The following PACRG variants were observed in gnomAD, a reference collection of about 807,000 sequenced individuals.
PACRG encodes the protein parkin coregulated gene protein.
PACRG carries 29 observed loss-of-function variants against 29.7 expected under a neutral mutation model. The ratio of observed to expected loss-of-function variants is 0.98; its 90% CI spans 0.73 to 1.33. PACRG has a LOEUF of 1.33. Among genes scored for constraint, PACRG ranks in the 40% most tolerant of loss-of-function variants. The pLI is 0.00. For synonymous variants in PACRG, 116 were observed against 118.7 expected (o/e 0.98, Z 0.15); for missense variants, 279 against 316.2 (o/e 0.88, Z 0.89).
chr6:162,770,997 T>A (rs1164948725), intron 1 of PACRG, among the ~76,000 whole-genome samples: 2 of 152,198 alleles, frequency 1.3e-5, no homozygotes, highest in Non-Finnish European at 2.9e-5. Flanking sequence ...TAAAGGAGTT[T>A]ATAATCAGGG....
intron 1 of PACRG, among the ~76,000 whole-genome samples, chr6:162,796,159 C>G (rs1438177942): frequency 6.6e-6 from 1 of 152,046 alleles, no homozygotes; most frequent in Non-Finnish European, 1.5e-5. Flanking sequence ...CTTCTTCTTG[C>G]CTTTAGTAGA....
At chr6:163,270,073 A>T (rs995009688) in intron 4 of PACRG, among the ~76,000 whole-genome samples, 1 of 152,062 alleles carries the variant, frequency 6.6e-6, no homozygotes, top group Non-Finnish European at 1.5e-5. Context: ...CCTCCACCAG[A>T]TATTAAGATA....
chr6:163,081,599 T>TA (rs917193756), intron 3 of PACRG, among the ~76,000 whole-genome samples: 1 of 151,972 alleles, frequency 6.6e-6, no homozygotes, highest in Non-Finnish European at 1.5e-5. Flanking sequence ...TCTACAAATA[T>TA]AAAAAAATTA....
chr6:162,784,262 A>G lies in PACRG; in HGVS notation c.157-29885A>G, dbSNP rs1324374028. On this transcript the variant is annotated intron_variant, in intron 1 of 4. Coordinates refer to ENST00000366888, the MANE Select transcript of PACRG (RefSeq NM_001080379.2). ...TAGTTTTCTATCTTCCCCTGTAGTT[A>G]ATTAAGCATGGCCATTTAACTAAGT... Among the ~76,000 whole-genome samples the G allele has an allele frequency of 2.0e-5, 3 of 152,264 alleles. No individual in the cohort carries two copies. In the East Asian group the frequency reaches 5.8e-4, roughly 29 times the overall value.
chr6:163,197,710 A>G (rs1437922759), intron 4 of PACRG, among the ~76,000 whole-genome samples: 3 of 151,804 alleles, frequency 2.0e-5, no homozygotes, highest in South Asian at 2.1e-4. Context: ...CGGCCTCCCA[A>G]AGTTTTGGGC....
At chr6:162,954,622 A>G (rs1799887406) in intron 2 of PACRG, among the ~76,000 whole-genome samples, 1 of 152,140 alleles carries the variant, frequency 6.6e-6, no homozygotes, top group Admixed American at 6.5e-5. Flanking sequence ...TTTTTTCTCC[A>G]CCTTATTAGC....
At chr6:163,085,916 C>G (rs1008407431) in intron 3 of PACRG, among the ~76,000 whole-genome samples, 1 of 152,204 alleles carries the variant, frequency 6.6e-6, no homozygotes, top group African/African-American at 2.4e-5. Flanking sequence ...ATTCCTAAAA[C>G]AGTGATGGGC....
chr6:163,019,537 C>T (rs73783968), intron 2 of PACRG, among the ~76,000 whole-genome samples: 20,410 of 152,108 alleles, frequency 0.13, 1,477 homozygotes, highest in East Asian at 0.22. Flanking sequence ...CGTCACCACC[C>T]GTGAACTGGA....
intron 4 of PACRG, among the ~76,000 whole-genome samples, chr6:163,247,946 G>C (rs906777550): frequency 6.6e-6 from 1 of 152,142 alleles, no homozygotes; most frequent in Non-Finnish European, 1.5e-5. Flanking sequence ...CTGTAACATT[G>C]GCACGGTAGA....
chr6:163,249,691 G>C (rs1422677448), intron 4 of PACRG, among the ~76,000 whole-genome samples: 6 of 152,212 alleles, frequency 3.9e-5, no homozygotes, highest in Non-Finnish European at 8.8e-5. Flanking sequence ...AGCAACCAGC[G>C]AAGTTTCTGT....
At chr6:163,117,093 C>T (rs1585235106) in intron 4 of PACRG, among the ~76,000 whole-genome samples, 1 of 152,088 alleles carries the variant, frequency 6.6e-6, no homozygotes, top group East Asian at 1.9e-4. Flanking sequence ...AATCAGAAAG[C>T]CAGGAGAGGA....
chr6:162,788,985 C>G (rs1206072247), intron 1 of PACRG, among the ~76,000 whole-genome samples: 1 of 151,924 alleles, frequency 6.6e-6, no homozygotes, highest in African/African-American at 2.4e-5. Flanking sequence ...GAAAAGCTTC[C>G]CTGATTGGAA....
At chr6:162,807,974 A>G (rs1187485798) in intron 1 of PACRG, among the ~76,000 whole-genome samples, 2 of 152,226 alleles carry the variant, frequency 1.3e-5, no homozygotes, top group Non-Finnish European at 2.9e-5. Flanking sequence ...ATAACTTATT[A>G]TAATCATTTT....
At chr6:163,171,869 A>G (rs1253269863) in intron 4 of PACRG, among the ~76,000 whole-genome samples, 1 of 152,170 alleles carries the variant, frequency 6.6e-6, no homozygotes, top group Non-Finnish European at 1.5e-5. Flanking sequence ...AGAGTGTGGA[A>G]AAGTCAGCTT....
At chr6:162,824,505 T>C (rs62428961) in intron 2 of PACRG, among the ~76,000 whole-genome samples, 11,656 of 152,330 alleles carry the variant, frequency 0.077, 697 homozygotes, top group Admixed American at 0.21. Context: ...TATACAGATT[T>C]GCCGTTGCAT....
At chr6:163,249,673 G>A (rs928477332) in intron 4 of PACRG, among the ~76,000 whole-genome samples, 7 of 152,160 alleles carry the variant, frequency 4.6e-5, no homozygotes, top group African/African-American at 1.7e-4. Flanking sequence ...GCCAGGCCAC[G>A]AAGACTTAGC....
intron 2 of PACRG, among the ~76,000 whole-genome samples, chr6:162,954,728 G>C (rs9458680): frequency 0.013 from 2,026 of 152,248 alleles, 46 homozygotes; most frequent in African/African-American, 0.047. Flanking sequence ...CTCATGTCAA[G>C]TAGCTTTTGG....
At chr6:163,079,494 C>T (rs1297939014) in intron 3 of PACRG, among the ~76,000 whole-genome samples, 1 of 151,910 alleles carries the variant, frequency 6.6e-6, no homozygotes, top group Admixed American at 6.5e-5. Flanking sequence ...GAGGCCTTGC[C>T]AGATGCTTTG....
At chr6:162,910,416 G>T (rs1451490995) in intron 2 of PACRG, among the ~76,000 whole-genome samples, 1 of 152,118 alleles carries the variant, frequency 6.6e-6, no homozygotes, top group Non-Finnish European at 1.5e-5. Flanking sequence ...ATTACTTTCT[G>T]TATAAGATTG....
Sources: allele counts gnomAD v4.1 joint callset (sites outside exome capture counted in the v4.1 genomes callset), GRCh38; gene constraint gnomAD v4.1.1; transcripts MANE v1.5; gene names NCBI Gene and HGNC (gene_info 2026-07-23, HGNC 2026-07-21).